SLC27A6: variants seen among roughly 807,000 people sequenced by gnomAD.
SLC27A6 encodes the protein solute carrier family 27 member 6.
In SLC27A6, 74 loss-of-function variants were observed where a neutral mutation model predicts 63.9. That is an observed-to-expected ratio of 1.16 (90% CI 0.96 to 1.40). SLC27A6 has a LOEUF of 1.40. SLC27A6 is among the 40% of genes most tolerant of loss of function. The pLI, the probability that SLC27A6 is intolerant of heterozygous loss-of-function variation, is 0.00. For synonymous variants in SLC27A6, 287 were observed against 260.8 expected, an observed-to-expected ratio of 1.10 and a Z score of -0.97; for missense variants, 794 against 732.9, an observed-to-expected ratio of 1.08 and a Z score of -0.96.
intron 1 of SLC27A6, among the ~76,000 whole-genome samples, chr5:128,984,897 AT>A (rs1371072695): frequency 6.6e-5 from 10 of 152,294 alleles, no homozygotes; most frequent in African/African-American, 2.2e-4. Context: ...AGTCTCTTAA[AT>A]TCAGTCTGAA....
chr5:128,971,605 A>G (rs542005917), intron 1 of SLC27A6, among the ~76,000 whole-genome samples: 179 of 146,500 alleles, frequency 1.2e-3, no homozygotes, highest in African/African-American at 4.0e-3. Context: ...TTTGTTTTCC[A>G]TTTGGTTGGT....
chr5:129,005,342 A>T (rs1171821027), intron 4 of SLC27A6, among the ~76,000 whole-genome samples: 1 of 152,224 alleles, frequency 6.6e-6, no homozygotes, highest in Non-Finnish European at 1.5e-5. Flanking sequence ...AATCTGGATA[A>T]GGAAACTTTA....
intron 4 of SLC27A6, among the ~76,000 whole-genome samples, chr5:129,006,096 T>TTTTTTTTTTTTTTTTTTTTTTAG (rs1378969274): frequency 8.9e-6 from 1 of 112,166 alleles, no homozygotes; most frequent in Admixed American, 9.3e-5. Context: ...TTTTTTTTTT[T>TTTTTTTTTTTTTTTTTTTTTTAG]GAGACGGAGT....
chr5:129,026,571 A>G (rs1466279303), intron 6 of SLC27A6, among the ~76,000 whole-genome samples: 1 of 152,118 alleles, frequency 6.6e-6, no homozygotes, highest in Non-Finnish European at 1.5e-5. Context: ...ACAAAGTCAT[A>G]AAAACTTGAA....
intron 1 of SLC27A6, among the ~76,000 whole-genome samples, chr5:128,967,546 G>C (rs1029858435): frequency 1.3e-5 from 2 of 152,078 alleles, no homozygotes; most frequent in African/African-American, 4.8e-5. Flanking sequence ...TAAACTCACA[G>C]AACAATATGG....
At position 128,966,121 on chromosome 5, in the gene SLC27A6, C is replaced by G; in HGVS notation, c.-17C>G. The G allele has an allele frequency of 6.5e-7, 1 of 1,533,110 alleles. No individual in the cohort carries two copies. Among genetic ancestry groups the G allele is most frequent in the Non-Finnish European group, 8.7e-7 (1 of 1,144,826 alleles). The allele number at this position is 1,533,110 out of a possible 1,614,324, so 95.0% of individuals were successfully genotyped here. A position where few individuals can be genotyped will look rare whatever the true frequency, so the allele number is the denominator to read the frequency against. On this transcript the variant is annotated 5_prime_UTR_variant, in exon 1 of 10. Coordinates refer to ENST00000262462, the MANE Select transcript of SLC27A6 (RefSeq NM_001017372.3). Reference sequence around the variant, plus strand: ...TGGGGGCTGAGATCAGAGCTGTCTTCTGGCCCAGTTGCCCCCATGCTTCTG... The same window carrying G: ...TGGGGGCTGAGATCAGAGCTGTCTTGTGGCCCAGTTGCCCCCATGCTTCTG...
At chr5:128,967,238 C>T (rs1162806455) in intron 1 of SLC27A6, among the ~76,000 whole-genome samples, 1 of 152,126 alleles carries the variant, frequency 6.6e-6, no homozygotes, top group Non-Finnish European at 1.5e-5. Context: ...ACCCTTCCTC[C>T]TCCCCCTGCC....
intron 5 of SLC27A6, among the ~76,000 whole-genome samples, chr5:129,017,917 C>T (rs527408158): frequency 1.3e-5 from 2 of 152,250 alleles, no homozygotes; most frequent in South Asian, 2.1e-4. Flanking sequence ...TCCTCTGTTA[C>T]GAACTCTTCC....
At chr5:128,997,783 G>A (rs993543145) in intron 4 of SLC27A6, among the ~76,000 whole-genome samples, 3 of 152,082 alleles carry the variant, frequency 2.0e-5, no homozygotes, top group Admixed American at 6.6e-5. Flanking sequence ...CATTGGCTAC[G>A]GAATCTAATG....
At chr5:129,003,999 C>G (rs1230329520) in intron 4 of SLC27A6, among the ~76,000 whole-genome samples, 1 of 142,830 alleles carries the variant, frequency 7.0e-6, no homozygotes, top group Non-Finnish European at 1.5e-5. Context: ...GAACCTCAAA[C>G]TCAAAGTTAA....
chr5:128,969,070 C>A (rs182835333), intron 1 of SLC27A6, among the ~76,000 whole-genome samples: 120 of 152,162 alleles, frequency 7.9e-4, no homozygotes, highest in African/African-American at 2.2e-3. Context: ...GATCAGATGG[C>A]TGTAGATGTG....
rs376622878 is a variant in SLC27A6, at chr5:128,973,098, G to A, written c.481+6480G>A. On this transcript the variant is annotated intron_variant, in intron 1 of 9. Coordinates refer to ENST00000262462, the MANE Select transcript of SLC27A6 (RefSeq NM_001017372.3). ...GTTTGCCTGGGTATCACCAGCGGAGGCTGCAGAACAGCAAATGTTGCTGCC... is the reference window on the plus strand; with the variant it reads ...GTTTGCCTGGGTATCACCAGCGGAGACTGCAGAACAGCAAATGTTGCTGCC... Among the ~76,000 whole-genome samples, 54 of 152,292 alleles carry A rather than the reference G, an allele frequency of 3.5e-4. 1 individual carries two copies. The highest frequency in any genetic ancestry group is 1.3e-3 in the African/African-American group (52 of 41,572).
chr5:129,027,527 A>C (rs561204013), intron 7 of SLC27A6, among the ~76,000 whole-genome samples, 196 bp downstream of exon 7: 1 of 152,088 alleles, frequency 6.6e-6, no homozygotes, highest in East Asian at 1.9e-4. Flanking sequence ...AAGTTTTATG[A>C]TTATTTTAGT....
chr5:129,002,783 ATTC>A (rs1406747694), intron 4 of SLC27A6, among the ~76,000 whole-genome samples: 18 of 152,152 alleles, frequency 1.2e-4, no homozygotes, highest in South Asian at 2.1e-4. Context: ...AATGAGAATA[ATTC>A]TTCTTCTTTT....
intron 4 of SLC27A6, among the ~76,000 whole-genome samples, chr5:129,007,636 G>A (rs1212132249): frequency 6.6e-6 from 1 of 151,916 alleles, no homozygotes; most frequent in Non-Finnish European, 1.5e-5. Flanking sequence ...TAAATTAAAT[G>A]AAATGTCATA....
Position 128,966,581 on chromosome 5 carries a change from C to T in SLC27A6, c.444C>T (p.Ile148=). Residue 148 remains isoleucine (I), a synonymous_variant, in exon 1 of 10, where the codon ATC becomes ATT. Transcript: ENST00000262462. ...NIRSNSLLNC[I]RACGPRALVV... ...GCTCCAACTCCCTCCTGAATTGCAT[C>T]CGCGCCTGTGGGCCCAGAGCCCTAG... 6.5e-7 allele frequency: 1 copy of T among 1,548,100 alleles called. No homozygotes were observed. The highest frequency in any genetic ancestry group is 8.7e-7 in the Non-Finnish European group (1 of 1,154,576).
chr5:129,030,728 C>T (rs1272110541), intron 9 of SLC27A6, among the ~76,000 whole-genome samples: 1 of 152,010 alleles, frequency 6.6e-6, no homozygotes, highest in African/African-American at 2.4e-5. Context: ...GTATATCCTT[C>T]ACCTTGTTTC....
intron 4 of SLC27A6, among the ~76,000 whole-genome samples, chr5:129,008,883 T>G (rs1330251029): frequency 6.6e-6 from 1 of 151,010 alleles, no homozygotes; most frequent in Non-Finnish European, 1.5e-5. Flanking sequence ...TTTTTTTTTT[T>G]TTTGAGATAG....
chr5:128,996,289 T>C (rs1049278368), intron 4 of SLC27A6, among the ~76,000 whole-genome samples: 1 of 151,664 alleles, frequency 6.6e-6, no homozygotes, highest in Non-Finnish European at 1.5e-5. Context: ...TCTATACTTA[T>C]TAGGAATGCA....
Sources: gnomAD v4.1 joint callset for allele counts (sites outside exome capture counted in the v4.1 genomes callset) on GRCh38, gnomAD v4.1.1 for gene constraint, MANE v1.5 for transcripts, NCBI Gene and HGNC (gene_info 2026-07-23, HGNC 2026-07-21) for gene names.